Variants in JAK2 observed in about 807,000 individuals in gnomAD.
The protein encoded by JAK2 is Janus kinase 2.
A neutral mutation model predicts 139.3 loss-of-function variants in JAK2; 86 were observed. The ratio of observed to expected loss-of-function variants is 0.62; its 90% CI spans 0.52 to 0.74. The LOEUF is 0.74. JAK2 is among the 30% of genes least tolerant of loss of function. JAK2 has a pLI of 0.00. For synonymous variants in JAK2, 490 were observed against 437.7 expected (o/e 1.12, Z -1.49); for missense variants, 1,421 against 1,360.3 (o/e 1.04, Z -0.70).
rs139964957 is a variant in JAK2, at chr9:5,128,080, T to TTGTGTGTGTGTG, written c.*1319_*1330dup. The TTGTGTGTGTGTG allele has an allele frequency of 1.3e-3, 301 of 224,778 alleles. No individual in the cohort carries two copies. The highest frequency in any genetic ancestry group is 6.5e-3 in the African/African-American group (282 of 43,264). The allele number at this position is 224,778 out of a possible 1,614,324, so 13.9% of individuals were successfully genotyped here. A position where few individuals can be genotyped will look rare whatever the true frequency, so the allele number is the denominator to read the frequency against. On this transcript the variant is annotated 3_prime_UTR_variant, in exon 25 of 25. Coordinates refer to ENST00000381652, the MANE Select transcript of JAK2 (RefSeq NM_004972.4). ...TAGCTAAAATAAAATATGGTGGGTT[T>TTGTGTGTGTGTG]TGTGTGTGTGTGTGTGTGTGTGTGT...
In JAK2 at chr9:5,128,907, G is replaced by A. The variant is rs1299325013; in HGVS notation, c.*2116G>A. On this transcript the variant is annotated 3_prime_UTR_variant, in exon 25 of 25. Transcript: ENST00000381652. ...AGGGTAAAGGTATTCTTAGAATTAT[G>A]TAATTCTGTAACTATTCCAGTATAT... Among the ~76,000 whole-genome samples the A allele has an allele frequency of 6.6e-6, 1 of 151,964 alleles. No homozygotes were observed.
In JAK2 at chr9:5,102,819, A is replaced by G. The variant is rs144056175; in HGVS notation, c.3059+11908A>G. On this transcript the variant is annotated intron_variant, in intron 22 of 24. Transcript: ENST00000381652. ...AAGCTTCATAAGTGAAGGAGAAATA[A>G]AATCCTTTACAGACAAGCAAATGCT... 2.9e-3 allele frequency among the ~76,000 whole-genome samples: 445 copies of G among 152,278 alleles called. 2 individuals are homozygous for G. The highest frequency in any genetic ancestry group is 0.01 in the African/African-American group (418 of 41,558).
intron 2 of JAK2, among the ~76,000 whole-genome samples, chr9:5,000,803 G>A (rs1820883402): frequency 6.6e-6 from 1 of 152,076 alleles, no homozygotes; most frequent in Admixed American, 6.6e-5. Context: ...AGTAAGAACT[G>A]GATAAAGAAG....
intron 2 of JAK2, among the ~76,000 whole-genome samples, chr9:5,009,379 G>A (rs949979917): frequency 1.3e-5 from 2 of 152,050 alleles, no homozygotes; most frequent in African/African-American, 4.8e-5. Flanking sequence ...AAACAGCCAG[G>A]ATAGAGCAGC....
At chr9:4,984,483 T>G (rs1189283580), upstream of JAK2, 1 of 152,324 alleles carries the variant, frequency 6.6e-6, no homozygotes, top group Non-Finnish European at 1.5e-5. Flanking sequence ...CGCAGGCGGC[T>G]GGGCGCTTCA....
chr9:5,112,658 AT>A, intron 22 of JAK2: 1 of 972,926 alleles, frequency 1.0e-6, no homozygotes, highest in Non-Finnish European at 1.4e-6. Context: ...CAAACTCCTT[AT>A]CCTGCACCAG....
At chr9:5,034,400 A>T (rs1823410641) in intron 4 of JAK2, among the ~76,000 whole-genome samples, 1 of 152,218 alleles carries the variant, frequency 6.6e-6, no homozygotes, top group South Asian at 2.1e-4. Context: ...CCTAATAGAC[A>T]TCTACAGAAC....
chr9:5,013,366 TA>T (rs1821827648), intron 2 of JAK2, among the ~76,000 whole-genome samples: 1 of 152,218 alleles, frequency 6.6e-6, no homozygotes, highest in African/African-American at 2.4e-5. Flanking sequence ...TTTGGTATAC[TA>T]AAGAAAGTAA....
chr9:5,092,013 C>A (rs917553402), intron 22 of JAK2, among the ~76,000 whole-genome samples: 3 of 152,038 alleles, frequency 2.0e-5, no homozygotes, highest in African/African-American at 7.3e-5. Flanking sequence ...AGGTGCTGAA[C>A]TGAGTTAATT....
intron 2 of JAK2, among the ~76,000 whole-genome samples, chr9:5,004,870 G>C (rs1024043038): frequency 1.3e-5 from 2 of 150,776 alleles, no homozygotes; most frequent in African/African-American, 4.9e-5. Context: ...TTTGCATTTA[G>C]TGATGTTGAA....
intron 19 of JAK2, chr9:5,084,894 A>G (rs879836630): frequency 4.5e-6 from 2 of 440,288 alleles, no homozygotes; most frequent in Non-Finnish European, 8.7e-6. Flanking sequence ...GATATCTTTT[A>G]AAATGATTTT....
intron 22 of JAK2, chr9:5,112,011 C>G (rs936750150): frequency 2.5e-6 from 1 of 396,374 alleles, no homozygotes; most frequent in African/African-American, 2.1e-5. Context: ...GTCGCACTAG[C>G]CTGGAGCAGG....
In JAK2 at chr9:5,129,072, T is replaced by C; in HGVS notation, c.*2281T>C. Reference sequence around the variant, plus strand: ...GAGTGTTCTTTTAACCTAAGGCTTCTAGTTTACAGTCAAGTGTAATTTTCA... The same window carrying C: ...GAGTGTTCTTTTAACCTAAGGCTTCCAGTTTACAGTCAAGTGTAATTTTCA... On this transcript the variant is annotated 3_prime_UTR_variant, in exon 25 of 25. Transcript: ENST00000381652. 6.6e-6 allele frequency among the ~76,000 whole-genome samples: 1 copy of C among 152,066 alleles called. No individual in the cohort carries two copies. The highest frequency in any genetic ancestry group is 1.5e-5 in the Non-Finnish European group (1 of 67,912).
At chr9:5,041,734 T>A (rs1310943709) in intron 4 of JAK2, 4 of 494,272 alleles carry the variant, frequency 8.1e-6, no homozygotes, top group Admixed American at 2.3e-5. Context: ...GGGAAGCCCT[T>A]GGCGACCCCC....
chr9:5,087,003 T>A (rs188653795), intron 19 of JAK2, among the ~76,000 whole-genome samples: 2 of 152,324 alleles, frequency 1.3e-5, no homozygotes, highest in Admixed American at 1.3e-4. Flanking sequence ...TTAGCATTTT[T>A]AAATTGTGCT....
chr9:5,014,038 T>C (rs950812089), intron 2 of JAK2, among the ~76,000 whole-genome samples: 6 of 152,148 alleles, frequency 3.9e-5, no homozygotes, highest in African/African-American at 1.4e-4. Context: ...TTGTGTCTCT[T>C]AGAATTATGT....
At position 5,086,593 on chromosome 9, in the gene JAK2, T is replaced by TA. The variant is rs762204543; in HGVS notation, c.2572-3071dup. Among the ~76,000 whole-genome samples the TA allele has an allele frequency of 5.1e-3, 768 of 150,614 alleles. 5 individuals are homozygous for TA. The highest frequency in any genetic ancestry group is 0.014 in the African/African-American group (575 of 41,164). On this transcript the variant is annotated intron_variant, in intron 19 of 24. Coordinates refer to ENST00000381652, the MANE Select transcript of JAK2 (RefSeq NM_004972.4). The stretch of plus-strand genomic sequence containing the variant: ...TTATTTTGGATGCCCTTCCAATACT[T>TA]AAAAAAAAAATTCCTTGGCTTCTCT...
In JAK2 at chr9:5,066,797, T is replaced by A; in HGVS notation, c.1326+8T>A. ...TTGACTTTTGCTGTCGAGGTTAGTA[T>A]GTCACACTTATTAGTGGTAACACTT... is the stretch of plus-strand genomic sequence containing the variant. On this transcript the variant is annotated splice_region_variant and intron_variant, in intron 10 of 24. Transcript: ENST00000381652. 1 of 1,307,736 alleles carries A rather than the reference T, an allele frequency of 7.6e-7. No homozygotes were observed. 81.0% of individuals were successfully genotyped at this position (1,307,736 alleles called of 1,614,324 possible).
At chr9:4,985,062 C>G (rs1365985570), upstream of JAK2, 1 of 152,324 alleles carries the variant, frequency 6.6e-6, no homozygotes, top group Non-Finnish European at 1.5e-5. Flanking sequence ...CTCCCCCAGC[C>G]TCTATCCGGC....
Sources: gnomAD v4.1 joint callset for allele counts (sites outside exome capture counted in the v4.1 genomes callset) on GRCh38, gnomAD v4.1.1 for gene constraint, MANE v1.5 for transcripts, NCBI Gene and HGNC (gene_info 2026-07-23, HGNC 2026-07-21) for gene names.